Variants in HS3ST2 observed in about 807,000 individuals in gnomAD.
HS3ST2 encodes heparan sulfate glucosamine 3-O-sulfotransferase 2.
In HS3ST2, 17 loss-of-function variants were observed where a neutral mutation model predicts 26.3. That is an observed-to-expected ratio of 0.65 (90% CI 0.44 to 0.97). The LOEUF (loss-of-function observed/expected upper bound fraction) is 0.97. Ranked by LOEUF, HS3ST2 falls within the 50% of genes least tolerant of loss-of-function variation. The pLI, the probability that HS3ST2 is intolerant of heterozygous loss-of-function variation, is 0.00. For synonymous variants in HS3ST2, 237 were observed against 219.2 expected, an observed-to-expected ratio of 1.08 and a Z score of -0.72; for missense variants, 402 against 501.2, an observed-to-expected ratio of 0.80 and a Z score of 1.89.
chr16:22,833,235 A>G, intron 1 of HS3ST2: 1 of 455,756 alleles, frequency 2.2e-6, no homozygotes, highest in South Asian at 1.5e-5. Context: ...CATAACCCCC[A>G]TTTTTCACTT....
intron 1 of HS3ST2, among the ~76,000 whole-genome samples, chr16:22,826,434 G>C (rs1320936240): frequency 6.6e-6 from 1 of 152,074 alleles, no homozygotes; most frequent in African/African-American, 2.4e-5. Flanking sequence ...GTCTAGGCTG[G>C]CTCACCTCCT....
chr16:22,883,274 C>G (rs180768035), intron 1 of HS3ST2, among the ~76,000 whole-genome samples: 59 of 152,332 alleles, frequency 3.9e-4, no homozygotes, highest in Admixed American at 3.8e-3. Flanking sequence ...TTGTCCATAA[C>G]ATCAGCCCTG....
At chr16:22,877,590 T>C (rs1216571963) in intron 1 of HS3ST2, among the ~76,000 whole-genome samples, 6 of 152,232 alleles carry the variant, frequency 3.9e-5, no homozygotes, top group Admixed American at 3.9e-4. Flanking sequence ...CCATGACTTA[T>C]GCTGAGAAGG....
chr16:22,879,751 T>A (rs1008973971), intron 1 of HS3ST2, among the ~76,000 whole-genome samples: 1 of 152,180 alleles, frequency 6.6e-6, no homozygotes, highest in Non-Finnish European at 1.5e-5. Context: ...TAAATTAATC[T>A]GGAGGTACCA....
intron 1 of HS3ST2, among the ~76,000 whole-genome samples, chr16:22,884,334 A>G (rs1902031157): frequency 6.6e-6 from 1 of 152,210 alleles, no homozygotes; most frequent in Admixed American, 6.5e-5. Flanking sequence ...TTGTGTAAGA[A>G]CACACTAGTT....
At chr16:22,852,451 T>C (rs115054621) in intron 1 of HS3ST2, among the ~76,000 whole-genome samples, 281 of 152,304 alleles carry the variant, frequency 1.8e-3, no homozygotes, top group Admixed American at 5.4e-3. Context: ...CCCTGCTGGC[T>C]CTGGTCCCCA....
intron 1 of HS3ST2, among the ~76,000 whole-genome samples, chr16:22,877,948 G>A (rs1373320024): frequency 6.6e-6 from 1 of 152,182 alleles, no homozygotes; most frequent in Non-Finnish European, 1.5e-5. Context: ...TGCTGGTGCT[G>A]ATACCTGAAG....
At chr16:22,840,647 T>C (rs1466779639) in intron 1 of HS3ST2, among the ~76,000 whole-genome samples, 1 of 151,962 alleles carries the variant, frequency 6.6e-6, no homozygotes, top group Admixed American at 6.6e-5. Flanking sequence ...AAGAGGTGAG[T>C]ACAGGCTTCT....
At chr16:22,891,435 C>T (rs768315138) in intron 1 of HS3ST2, among the ~76,000 whole-genome samples, 24 of 151,144 alleles carry the variant, frequency 1.6e-4, no homozygotes, top group Non-Finnish European at 2.7e-4. Context: ...TAGTAAGTAG[C>T]GAAACAGAAA....
At position 22,814,673 on chromosome 16, in the gene HS3ST2, C is replaced by T. The variant is rs748213129; in HGVS notation, c.63C>T (p.Leu21=). ...AGCCGCGGAGGGCGCGCAGGCTGCT[C>T]TTCGCCTTCACGCTCTCGCTCTCCT... ...PPQPRRARRL[L]FAFTLSLSCT... Residue 21 remains leucine (L), a synonymous_variant, in exon 1 of 2, where the codon CTC becomes CTT. Transcript: ENST00000261374. 3 of 1,590,836 alleles carry T rather than the reference C, an allele frequency of 1.9e-6. No individual in the cohort carries two copies. The highest frequency in any genetic ancestry group is 2.6e-6 in the Non-Finnish European group (3 of 1,170,010).
chr16:22,830,912 C>T (rs759775172), intron 1 of HS3ST2, among the ~76,000 whole-genome samples: 1 of 152,132 alleles, frequency 6.6e-6, no homozygotes, highest in Non-Finnish European at 1.5e-5. Context: ...TTTATATCAC[C>T]ATCCTAAATG....
intron 1 of HS3ST2, among the ~76,000 whole-genome samples, chr16:22,865,091 C>T (rs1901733309): frequency 6.8e-6 from 1 of 147,616 alleles, no homozygotes; most frequent in African/African-American, 2.5e-5. Context: ...AAAAAACCCT[C>T]ATATGCACAA....
chr16:22,821,802 C>T (rs183598786), intron 1 of HS3ST2, among the ~76,000 whole-genome samples: 8 of 152,152 alleles, frequency 5.3e-5, no homozygotes, highest in Admixed American at 2.0e-4. Flanking sequence ...AAAAGCCACC[C>T]GGGAGGGGAA....
intron 1 of HS3ST2, among the ~76,000 whole-genome samples, chr16:22,857,594 C>G (rs1901612980): frequency 6.6e-6 from 1 of 152,196 alleles, no homozygotes; most frequent in Non-Finnish European, 1.5e-5. Flanking sequence ...AATAACATCT[C>G]CATGCCTCTG....
At chr16:22,868,061 A>G (rs535402393) in intron 1 of HS3ST2, among the ~76,000 whole-genome samples, 1 of 152,328 alleles carries the variant, frequency 6.6e-6, no homozygotes, top group South Asian at 2.1e-4. Flanking sequence ...TTTTTAAAAA[A>G]ATATTACACA....
chr16:22,839,329 G>A (rs532604959), intron 1 of HS3ST2, among the ~76,000 whole-genome samples: 4 of 152,310 alleles, frequency 2.6e-5, no homozygotes, highest in African/African-American at 9.6e-5. Flanking sequence ...ACTGAAAGGG[G>A]CTCAGAAAAC....
At chr16:22,826,565 C>T (rs944313366) in intron 1 of HS3ST2, among the ~76,000 whole-genome samples, 2 of 152,138 alleles carry the variant, frequency 1.3e-5, no homozygotes, top group African/African-American at 4.8e-5. Context: ...CTGAAAACTC[C>T]CCTAGAGACC....
chr16:22,861,723 G>A (rs868788306), intron 1 of HS3ST2, among the ~76,000 whole-genome samples: 2 of 152,076 alleles, frequency 1.3e-5, no homozygotes, highest in African/African-American at 2.4e-5. Context: ...TCTTATTGTG[G>A]CCTCCGGCAT....
intron 1 of HS3ST2, among the ~76,000 whole-genome samples, chr16:22,913,139 GAA>G: frequency 2.0e-5 from 2 of 98,248 alleles, no homozygotes. Flanking sequence ...AGGAAGGAAG[GAA>G]GGAAGGAAGG....
Sources: gnomAD v4.1 joint callset for allele counts (sites outside exome capture counted in the v4.1 genomes callset) on GRCh38, gnomAD v4.1.1 for gene constraint, MANE v1.5 for transcripts, NCBI Gene and HGNC (gene_info 2026-07-23, HGNC 2026-07-21) for gene names.